The following FANCD2 variants were observed in gnomAD, a reference collection of about 807,000 sequenced individuals.
FANCD2 encodes the protein FA complementation group D2.
In FANCD2, 131 loss-of-function variants were observed where a neutral mutation model predicts 192.3. That is an observed-to-expected ratio of 0.68 (90% CI 0.59 to 0.79). FANCD2 has a LOEUF of 0.79. Ranked by LOEUF, FANCD2 falls within the 30% of genes least tolerant of loss-of-function variation. The pLI is 0.00. For synonymous variants in FANCD2, 524 were observed against 612.5 expected, an observed-to-expected ratio of 0.86 and a Z score of 2.13; for missense variants, 1,508 against 1,701.6, an observed-to-expected ratio of 0.89 and a Z score of 2.00.
chr3:10,046,792 T>C (rs949639303), intron 15 of FANCD2, 69 bp downstream of exon 15: 110 of 1,259,140 alleles, frequency 8.7e-5, no homozygotes, highest in Non-Finnish European at 1.1e-4. Flanking sequence ...TAAAATTTCA[T>C]CTTATTTCAG....
At position 10,087,192 on chromosome 3, in the gene FANCD2, C is replaced by CT; in HGVS notation, c.3397dup (p.Tyr1133LeufsTer40). ...AAGCATTCCCAGTTTCCAGTGTGCT[C>CT]TTTATCTCATCAGACTTTTGATGGT... On this transcript the variant is annotated frameshift_variant, in exon 34 of 44. Transcript: ENST00000675286. LOFTEE classifies it high-confidence loss of function. 6.2e-7 allele frequency: 1 copy of CT among 1,612,092 alleles called. No homozygotes were observed. The highest frequency in any genetic ancestry group is 8.5e-7 in the Non-Finnish European group (1 of 1,179,094).
intron 20 of FANCD2, 59 bp from the exon 21 acceptor site, chr3:10,063,733 G>A (rs1202958863): frequency 2.5e-6 from 4 of 1,611,736 alleles, no homozygotes; most frequent in Non-Finnish European, 3.4e-6. Context: ...AAAGGGGCGA[G>A]TGGAGTTTGG....
intron 30 of FANCD2, among the ~76,000 whole-genome samples, chr3:10,079,722 C>T (rs1693728540): frequency 6.6e-6 from 1 of 152,164 alleles, no homozygotes; most frequent in Admixed American, 6.5e-5. Context: ...TGGGCCCATG[C>T]CTCAGTGTAG....
At chr3:10,036,541 A>G (rs1373613241) in intron 7 of FANCD2, among the ~76,000 whole-genome samples, 1 of 152,144 alleles carries the variant, frequency 6.6e-6, no homozygotes, top group Non-Finnish European at 1.5e-5. Context: ...ATTACTGTTA[A>G]AAGTAACTAT....
At chr3:10,070,047 A>G (rs1310009426) in intron 26 of FANCD2, among the ~76,000 whole-genome samples, 1 of 142,940 alleles carries the variant, frequency 7.0e-6, no homozygotes, top group Admixed American at 6.9e-5. Flanking sequence ...CCATCGTCTG[A>G]GATGTGGGGA....
intron 30 of FANCD2, 60 bp from the exon 31 acceptor site, chr3:10,081,040 C>G (rs1693805097): frequency 6.2e-7 from 1 of 1,606,420 alleles, no homozygotes; most frequent in Admixed American, 1.7e-5. Context: ...CATTGCGAAC[C>G]CTTAGTTTCT....
intron 11 of FANCD2, 96 bp from the exon 12 acceptor site, chr3:10,042,954 C>G (rs1190802425): frequency 8.9e-7 from 1 of 1,124,522 alleles, no homozygotes; most frequent in African/African-American, 1.5e-5. Context: ...TTTTTTCTTC[C>G]TCAGTCTTTC....
intron 26 of FANCD2, among the ~76,000 whole-genome samples, chr3:10,071,126 A>G (rs1321200248): frequency 1.3e-3 from 117 of 86,748 alleles, no homozygotes; most frequent in African/African-American, 9.3e-3. Context: ...AATGATCGAT[A>G]AAAAAAAAAA....
intron 32 of FANCD2, 93 bp downstream of exon 32, chr3:10,081,557 G>T (rs756389891): frequency 3.7e-4 from 341 of 929,436 alleles, no homozygotes; most frequent in Middle Eastern, 6.5e-4. Flanking sequence ...GAAAGAAAAG[G>T]TTCAAAAATC....
chr3:10,027,920 A>C (rs1313865920), intron 1 of FANCD2, among the ~76,000 whole-genome samples: 1 of 150,164 alleles, frequency 6.7e-6, no homozygotes, highest in Non-Finnish European at 1.5e-5. Context: ...AAAAAAAAAA[A>C]AAAATCACTT....
In FANCD2 at chr3:10,042,657, A is replaced by C; in HGVS notation, c.882A>C (p.Thr294=). The C allele has an allele frequency of 1.9e-6, 3 of 1,612,586 alleles. No homozygotes were observed. The South Asian group carries it at 3.3e-5, about 18-fold the overall frequency. Residue 294 remains threonine, a synonymous_variant, in exon 11 of 44, where the codon ACA becomes ACC. Transcript: ENST00000675286. The part of the protein sequence containing the change: ...FILHSVTAMD[T]LEVISELREK... ...TTCATTCCGTAACAGCCATGGATAC[A>C]CTTGAGGTATGCTCTTATATCCCAT...
chr3:10,034,704 G>A lies in FANCD2; in HGVS notation c.283G>A (p.Glu95Lys). 1 of 1,562,152 alleles carries A rather than the reference G, an allele frequency of 6.4e-7. No individual in the cohort carries two copies. Among genetic ancestry groups the A allele is most frequent in the Non-Finnish European group, 8.7e-7 (1 of 1,151,688 alleles). ...TTTAAATCTCCTTAAGATAATAGAA[G>A]AATTTGTTAGTGGCCTGGAGTCTTA... The part of the protein sequence containing the change: ...RHPSYPKIIE[E>K]FVSGLESYIE... The change falls in exon 5 of 44, where the codon GAA (glutamate) becomes AAA (lysine). Residue 95 changes from glutamate (E) to lysine (K), a missense_variant. Coordinates refer to ENST00000675286, the MANE Select transcript of FANCD2 (RefSeq NM_001018115.3).
At chr3:10,065,816 T>G (rs1387573772) in intron 24 of FANCD2, 48 bp from the exon 25 acceptor site, 1 of 1,242,256 alleles carries the variant, frequency 8.0e-7, no homozygotes, top group South Asian at 1.2e-5. Flanking sequence ...ACCTCCAGGT[T>G]TTATTGGCTT....
At chr3:10,061,976 G>C (rs1249466758) in intron 19 of FANCD2, among the ~76,000 whole-genome samples, 175 bp from the exon 20 acceptor site, 1 of 149,180 alleles carries the variant, frequency 6.7e-6, no homozygotes, top group Non-Finnish European at 1.5e-5. Context: ...GTTGTGGGGT[G>C]GGGGAGGGGG....
At chr3:10,067,669 G>A (rs571255315) in intron 26 of FANCD2, among the ~76,000 whole-genome samples, 1 of 152,206 alleles carries the variant, frequency 6.6e-6, no homozygotes, top group Admixed American at 6.5e-5. Flanking sequence ...GTGGTTGTGG[G>A]CACCTGTAAT....
chr3:10,070,315 C>T (rs189446835), intron 26 of FANCD2, among the ~76,000 whole-genome samples: 6 of 149,702 alleles, frequency 4.0e-5, no homozygotes, highest in Non-Finnish European at 7.4e-5. Context: ...GCAGCCACCC[C>T]GTCCGGGAGG....
chr3:10,070,926 G>A (rs2125045024), intron 26 of FANCD2, among the ~76,000 whole-genome samples: 1 of 147,188 alleles, frequency 6.8e-6, no homozygotes, highest in South Asian at 2.2e-4. Context: ...GATGCTTGAA[G>A]GCAGCATGCT....
intron 18 of FANCD2, among the ~76,000 whole-genome samples, chr3:10,056,723 T>G (rs1190026295): frequency 6.6e-6 from 1 of 152,092 alleles, no homozygotes; most frequent in African/African-American, 2.4e-5. Context: ...ATCATTCTGA[T>G]GAGTGCGAGT....
chr3:10,034,861 G>A (rs2086692146), intron 5 of FANCD2, 63 bp downstream of exon 5: 5 of 1,174,734 alleles, frequency 4.3e-6, no homozygotes, highest in Middle Eastern at 2.0e-4. Flanking sequence ...TCATGGGGCT[G>A]GGGAGGGAGA....
Sources: gnomAD v4.1 joint callset for allele counts (sites outside exome capture counted in the v4.1 genomes callset) on GRCh38, gnomAD v4.1.1 for gene constraint, MANE v1.5 for transcripts, NCBI Gene and HGNC (gene_info 2026-07-23, HGNC 2026-07-21) for gene names.